POU2F2: variants seen among roughly 807,000 people sequenced by gnomAD.
POU2F2 encodes POU domain, class 2, transcription factor 2.
POU2F2 carries 14 observed loss-of-function variants against 63.5 expected under a neutral mutation model. That is an observed-to-expected ratio of 0.22 (90% CI 0.15 to 0.34). POU2F2 has a LOEUF of 0.34. POU2F2 is among the 10% of genes least tolerant of loss of function. The pLI is 1.00. For synonymous variants in POU2F2, 306 were observed against 348.6 expected (o/e 0.88, Z 1.36); for missense variants, 607 against 815.2 (o/e 0.74, Z 3.11).
chr19:42,139,296 G>C (rs1397707363), intron 2 of POU2F2, among the ~76,000 whole-genome samples: 1 of 152,040 alleles, frequency 6.6e-6, no homozygotes, highest in African/African-American at 2.4e-5. Flanking sequence ...CTTCAGCCTG[G>C]GTGACAGAGC....
chr19:42,101,976 C>CAA (rs1297939775), intron 5 of POU2F2, among the ~76,000 whole-genome samples: 5 of 85,298 alleles, frequency 5.9e-5, no homozygotes, highest in Non-Finnish European at 4.8e-5. Context: ...GACTCCATCT[C>CAA]AAAAAAAAAA....
rs1432071392 is a variant in POU2F2 at position 42,156,881 on chromosome 19, A to G, written c.-9+3451T>C. 6.6e-6 allele frequency: 1 copy of G among 152,252 alleles called. No individual in the cohort carries two copies. The highest frequency in any genetic ancestry group is 1.9e-4 in the East Asian group (1 of 5,196). 9.4% of individuals were successfully genotyped at this position (152,252 alleles called of 1,614,324 possible). A position where few individuals can be genotyped will look rare whatever the true frequency, so the allele number is the denominator to read the frequency against. On this transcript the variant is annotated intron_variant, in intron 2 of 6. Coordinates refer to the POU2F2 transcript ENST00000524801. The surrounding 1 kb of genome is among the most constrained non-coding windows in gnomAD (Gnocchi z 4.1). ...GTCACCTCACCAGACCCAGGATGAA[A>G]GCCGCTCACCTAGAGCAAAGCTTCT...
rs1450630996 is a variant in POU2F2 at position 42,155,009 on chromosome 19, C to G, written c.-9+5323G>C. On this transcript the variant is annotated intron_variant, in intron 2 of 6. Transcript: ENST00000524801. This position sits in a 1 kb window ranked among gnomAD's most constrained non-coding sequence, Gnocchi z 4.2. ...CGCCACCTCACCCTCCACACACAGT[C>G]CACACACACCAGGGCCTTGGCCAAT... Among the ~76,000 whole-genome samples, 1 of 152,168 alleles carries G rather than the reference C, an allele frequency of 6.6e-6. No homozygotes were observed. Among genetic ancestry groups the G allele is most frequent in the African/African-American group, 2.4e-5 (1 of 41,428 alleles).
intron 1 of POU2F2, among the ~76,000 whole-genome samples, chr19:42,175,165 G>T (rs1419340608): frequency 2.0e-5 from 3 of 152,140 alleles, no homozygotes; most frequent in Admixed American, 6.6e-5. Flanking sequence ...CCCTCCCAGA[G>T]CCCCAGTGAG....
chr19:42,149,407 G>A (rs544755214), intron 2 of POU2F2, among the ~76,000 whole-genome samples: 36 of 152,292 alleles, frequency 2.4e-4, no homozygotes, highest in African/African-American at 8.4e-4. Context: ...TGTGGGAGGG[G>A]AGATGAACCA....
chr19:42,174,901 G>A (rs2034843629), intron 1 of POU2F2, among the ~76,000 whole-genome samples: 1 of 152,114 alleles, frequency 6.6e-6, no homozygotes, highest in Non-Finnish European at 1.5e-5. Context: ...TCTAAATCCA[G>A]GACCTACTCC....
intron 5 of POU2F2, among the ~76,000 whole-genome samples, chr19:42,111,210 C>T (rs2031027002): frequency 6.6e-6 from 1 of 152,100 alleles, no homozygotes; most frequent in Non-Finnish European, 1.5e-5. Flanking sequence ...CTTGACCTCC[C>T]ATGCTCAAGC....
At chr19:42,116,787 C>A (rs2031924317) in intron 5 of POU2F2, 1 of 360,672 alleles carries the variant, frequency 2.8e-6, no homozygotes, top group Non-Finnish European at 5.5e-6. Flanking sequence ...GTGGTGGTGG[C>A]AGGTCACCCC....
chr19:42,100,085 C>CTTTTTTTTTTTTTTTTT (rs948283094), intron 5 of POU2F2, among the ~76,000 whole-genome samples: 1 of 77,068 alleles, frequency 1.3e-5, no homozygotes. Context: ...CCCTTTCTTT[C>CTTTTTTTTTTTTTTTTT]TTTTTTTTTT....
At chr19:42,127,406 G>A (rs2033306154) in intron 1 of POU2F2, among the ~76,000 whole-genome samples, 1 of 151,824 alleles carries the variant, frequency 6.6e-6, no homozygotes, top group Non-Finnish European at 1.5e-5. Context: ...TTGAGATGGA[G>A]TCTTGCTGTG....
At position 42,095,417 on chromosome 19, in the gene POU2F2, G is replaced by C. The variant is rs774956457; in HGVS notation, c.1066C>G (p.Leu356Val). 6.2e-7 allele frequency: 1 copy of C among 1,613,762 alleles called. No individual in the cohort carries two copies. Among genetic ancestry groups the C allele is most frequent in the Non-Finnish European group, 8.5e-7 (1 of 1,180,012 alleles). Residue 356 changes from leucine to valine, a missense_variant, in exon 11 of 15, where the codon CTG becomes GTG. Transcript: ENST00000692977. The surrounding 1 kb of genome is among the most constrained non-coding windows in gnomAD (Gnocchi z 7.1). ...CGGATCACTTCCTTCTCCATGTGCA[G>C]CTGCTCGGCGATCAGCAGGATCTCC... ...SEEILLIAEQ[L>V]HMEKEVIRVW...
chr19:42,169,502 C>T lies in POU2F2; in HGVS notation c.-70+6461G>A, dbSNP rs541293634. 3.3e-5 allele frequency among the ~76,000 whole-genome samples: 5 copies of T among 152,216 alleles called. No homozygotes were observed. The highest frequency in any genetic ancestry group is 6.5e-5 in the Admixed American group (1 of 15,292). ...GCATCTCTGTGGACAAATATACAAA[C>T]GTCTATGTGCATCTGCAGGGTTTAG... On this transcript the variant is annotated intron_variant, in intron 1 of 6. Coordinates refer to the POU2F2 transcript ENST00000524801. The surrounding 1 kb of genome is among the most constrained non-coding windows in gnomAD (Gnocchi z 4.3).
intron 1 of POU2F2, among the ~76,000 whole-genome samples, chr19:42,165,278 C>T (rs770377805): frequency 4.6e-5 from 7 of 152,234 alleles, no homozygotes; most frequent in Admixed American, 2.0e-4. Flanking sequence ...GAAGAGCTCA[C>T]TCCTCTGGCT....
intron 1 of POU2F2, among the ~76,000 whole-genome samples, chr19:42,187,273 G>A (rs1450695351): frequency 6.6e-6 from 1 of 151,986 alleles, no homozygotes; most frequent in Non-Finnish European, 1.5e-5. Flanking sequence ...ACACCAGCCT[G>A]GCCAACATGG....
chr19:42,140,800 T>C (rs533364984), intron 2 of POU2F2, among the ~76,000 whole-genome samples: 3 of 152,348 alleles, frequency 2.0e-5, no homozygotes, highest in East Asian at 3.9e-4. Context: ...GCCTGGCATA[T>C]AGTTGATGCT....
chr19:42,183,367 A>G (rs537148135), intron 1 of POU2F2, among the ~76,000 whole-genome samples: 1 of 152,346 alleles, frequency 6.6e-6, no homozygotes, highest in South Asian at 2.1e-4. Context: ...TTCCATTTAC[A>G]TGAAATTCTA....
Position 42,117,535 on chromosome 19 carries a change from C to A in POU2F2, c.187-103G>T. 1.7e-6 allele frequency: 1 copy of A among 578,716 alleles called. No homozygotes were observed. The highest frequency in any genetic ancestry group is 3.2e-5 in the East Asian group (1 of 31,498). 35.8% of individuals were successfully genotyped at this position (578,716 alleles called of 1,614,324 possible). On this transcript the variant is annotated intron_variant, in intron 4 of 14. Transcript: ENST00000692977. This position sits in a 1 kb window ranked among gnomAD's most constrained non-coding sequence, Gnocchi z 4.4. ...TGAGGGTGCAGTCTGTGGTCCTGCA[C>A]TGACCGCTGGGAGCTTCAAACCACT...
In POU2F2 at chr19:42,091,382, T is replaced by G. The variant is rs779948606; in HGVS notation, c.1750A>C (p.Lys584Gln). 8.4e-6 allele frequency: 13 copies of G among 1,542,618 alleles called. No homozygotes were observed. The South Asian group carries it at 1.4e-4, about 17-fold the overall frequency. The change falls in exon 15 of 15, where the codon AAG becomes CAG. Residue 584 changes from lysine (K) to glutamine (Q), a missense_variant. Coordinates refer to ENST00000692977, the MANE Select transcript of POU2F2 (RefSeq NM_001394376.1). ...AAAVAASISS[K>Q]SPGLSSSSSS... ...GATGAGGAGGAGAGGCCAGGAGACT[T>G]GCTGGAGATGGAGGCTGCCACAGCC...
At position 42,194,501 on chromosome 19, in the gene POU2F2, G is replaced by A. The variant is rs561151225; in HGVS notation, c.-70+1882C>T. On this transcript the variant is annotated intron_variant, in intron 1 of 5. Coordinates refer to the POU2F2 transcript ENST00000532176. ...AGATCGGGTGCCGTGGCTCATGCCT[G>A]TAATCCCAGCACTTTGGGAGGCCGA... Among the ~76,000 whole-genome samples the A allele has an allele frequency of 2.0e-5, 3 of 151,982 alleles. No homozygotes were observed. In the South Asian group the frequency reaches 6.2e-4, roughly 32 times the overall value.
Sources: allele counts gnomAD v4.1 joint callset (sites outside exome capture counted in the v4.1 genomes callset), GRCh38; gene constraint gnomAD v4.1.1; non-coding constraint Gnocchi (gnomAD v3.1); transcripts MANE v1.5; gene names NCBI Gene and HGNC (gene_info 2026-07-23, HGNC 2026-07-21).